BMPR2: variants seen among roughly 807,000 people sequenced by gnomAD.
The protein encoded by BMPR2 is bone morphogenetic protein receptor type 2, also known as bone morphogenetic protein receptor type-2.
In BMPR2, 29 loss-of-function variants were observed where a neutral mutation model predicts 100.8. The observed-to-expected ratio is 0.29, with a 90% CI of 0.21 to 0.39. The LOEUF is 0.39. Among genes scored for constraint, BMPR2 ranks in the 10% least tolerant of loss-of-function variants. The probability of loss-of-function intolerance (pLI) is 1.00; values close to 1 mark genes in which losing one functional copy is unlikely to be tolerated. For missense variants in BMPR2, 1,011 were observed against 1,274.5 expected, an observed-to-expected ratio of 0.79 and a Z score of 3.15; for synonymous variants, 382 against 442.3, an observed-to-expected ratio of 0.86 and a Z score of 1.71.
intron 1 of BMPR2, among the ~76,000 whole-genome samples, chr2:202,378,213 T>C (rs1415898070): frequency 6.6e-6 from 1 of 152,232 alleles, no homozygotes; most frequent in Admixed American, 6.5e-5. Context: ...CTAGGAGATT[T>C]GACTCCGAAA....
In BMPR2 at chr2:202,564,151, G is replaced by A. The variant is rs111387927; in HGVS notation, c.*4205G>A. The A allele has an allele frequency of 1.4e-4, 21 of 152,232 alleles. No individual in the cohort carries two copies. The highest frequency in any genetic ancestry group is 2.6e-4 in the Non-Finnish European group (18 of 68,010). The allele number at this position is 152,232 out of a possible 1,614,324, so 9.4% of individuals were successfully genotyped here. A position where few individuals can be genotyped will look rare whatever the true frequency, so the allele number is the denominator to read the frequency against. On this transcript the variant is annotated 3_prime_UTR_variant, in exon 13 of 13. Coordinates refer to ENST00000374580, the MANE Select transcript of BMPR2 (RefSeq NM_001204.7). ...TTTCTAGTCTTTGTAAGTGCCTCCTGAAAGTCATTTAAAATGGAAAAATAT... is the reference window on the plus strand; with the variant it reads ...TTTCTAGTCTTTGTAAGTGCCTCCTAAAAGTCATTTAAAATGGAAAAATAT...
intron 1 of BMPR2, among the ~76,000 whole-genome samples, chr2:202,461,625 T>G (rs2105957007): frequency 6.6e-6 from 1 of 152,296 alleles, no homozygotes; most frequent in South Asian, 2.1e-4. Flanking sequence ...ATATAATGCT[T>G]ATAATGACCT....
At position 202,560,248 on chromosome 2, in the gene BMPR2, GA is replaced by G. The variant is rs372583015; in HGVS notation, c.*309del. On this transcript the variant is annotated 3_prime_UTR_variant, in exon 13 of 13. Transcript: ENST00000374580. ...AAGTGGTCTCAAAATATTTTTTTAA[GA>G]AAAAAAGCAAAAACAATGTATTGCT... 5,595 of 339,300 alleles carry G rather than the reference GA, an allele frequency of 0.016. 83 individuals carry two copies. The highest frequency in any genetic ancestry group is 0.031 in the South Asian group (932 of 30,298). The allele number at this position is 339,300 out of a possible 1,614,324, so 21.0% of individuals were successfully genotyped here. A position where few individuals can be genotyped will look rare whatever the true frequency, so the allele number is the denominator to read the frequency against.
At position 202,550,976 on chromosome 2, in the gene BMPR2, A is replaced by ATTTT. The variant is rs1559072688; in HGVS notation, c.1414-1740_1414-1739insTTTT. Among the ~76,000 whole-genome samples the ATTTT allele has an allele frequency of 6.9e-4, 29 of 41,946 alleles. 1 individual carries two copies. The highest frequency in any genetic ancestry group is 2.7e-3 in the African/African-American group (27 of 9,896). 27.5% of individuals were successfully genotyped at this position (41,946 alleles called of 152,430 possible). A position where few individuals can be genotyped will look rare whatever the true frequency, so the allele number is the denominator to read the frequency against. ...TTTTTTTTTTTTTTTTTTTTTTTTG[A>ATTTT]GCCAGAGCCTTGCTCTGTCGCCCAG... On this transcript the variant is annotated intron_variant, in intron 10 of 12. Coordinates refer to ENST00000374580, the MANE Select transcript of BMPR2 (RefSeq NM_001204.7).
At chr2:202,429,364 C>T (rs1057051472) in intron 1 of BMPR2, among the ~76,000 whole-genome samples, 1 of 151,928 alleles carries the variant, frequency 6.6e-6, no homozygotes, top group African/African-American at 2.4e-5. Flanking sequence ...ACTACTCCCC[C>T]TTTCCCACTC....
rs974798687 is a variant in BMPR2 at position 202,566,022 on chromosome 2, T to G, written c.*6076T>G. ...TAAACATTGTGAACATACACATTTTTAAAACAACTTGAAACCCATTTTAAA... is the reference window on the plus strand; with the variant it reads ...TAAACATTGTGAACATACACATTTTGAAAACAACTTGAAACCCATTTTAAA... On this transcript the variant is annotated 3_prime_UTR_variant, in exon 13 of 13. Transcript: ENST00000374580. 1 of 152,194 alleles carries G rather than the reference T, an allele frequency of 6.6e-6. No individual in the cohort carries two copies. Among genetic ancestry groups the G allele is most frequent in the Non-Finnish European group, 1.5e-5 (1 of 67,992 alleles). 9.4% of individuals were successfully genotyped at this position (152,194 alleles called of 1,614,324 possible). A position where few individuals can be genotyped will look rare whatever the true frequency, so the allele number is the denominator to read the frequency against.
rs954835842 is a variant in BMPR2 at position 202,393,481 on chromosome 2, G to A, written c.76+15931G>A. ...TTAAAAATATATATATTTTTTTGTA[G>A]GGACAGGTCTCGCCATGTTGCCCAG... is the stretch of plus-strand genomic sequence containing the variant. On this transcript the variant is annotated intron_variant, in intron 1 of 12. Coordinates refer to ENST00000374580, the MANE Select transcript of BMPR2 (RefSeq NM_001204.7). Among the ~76,000 whole-genome samples, 12 of 151,922 alleles carry A rather than the reference G, an allele frequency of 7.9e-5. No individual in the cohort carries two copies. The East Asian group carries it at 2.1e-3, about 27-fold the overall frequency.
At chr2:202,529,195 G>A (rs1025273798) in intron 7 of BMPR2, among the ~76,000 whole-genome samples, 2 of 152,168 alleles carry the variant, frequency 1.3e-5, no homozygotes, top group Non-Finnish European at 1.5e-5. Context: ...GGATAGCACT[G>A]GTGATAATAT....
rs543983933 is a variant in BMPR2 at position 202,475,339 on chromosome 2, T to A, written c.418+7650T>A. ...GTGAGTCACCACGCCCGGCCACATT[T>A]TTATACTTTTTCAAAATACTAGTGT... On this transcript the variant is annotated intron_variant, in intron 3 of 12. Transcript: ENST00000374580. Among the ~76,000 whole-genome samples, 396 of 152,220 alleles carry A rather than the reference T, an allele frequency of 2.6e-3. 1 individual carries two copies. The highest frequency in any genetic ancestry group is 9.2e-3 in the African/African-American group (382 of 41,544).
chr2:202,426,126 A>T (rs1443591288), intron 1 of BMPR2, among the ~76,000 whole-genome samples: 1 of 152,230 alleles, frequency 6.6e-6, no homozygotes, highest in African/African-American at 2.4e-5. Flanking sequence ...ATGGTCTTAC[A>T]TTAGCAATTA....
At chr2:202,386,808 G>T (rs1001408437) in intron 1 of BMPR2, among the ~76,000 whole-genome samples, 4 of 151,950 alleles carry the variant, frequency 2.6e-5, no homozygotes, top group Non-Finnish European at 5.9e-5. Context: ...AGCCTCCCGA[G>T]TAGATGGGAT....
chr2:202,520,667 G>T, intron 7 of BMPR2: 1 of 203,566 alleles, frequency 4.9e-6, no homozygotes, highest in Non-Finnish European at 1.0e-5. Context: ...GCAAGGCTAG[G>T]CTGCCCTAGA....
rs374919327 is a variant in BMPR2, at chr2:202,469,848, GAA to G, written c.418+2165_418+2166del. Among the ~76,000 whole-genome samples, 896 of 152,174 alleles carry G rather than the reference GAA, an allele frequency of 5.9e-3. 11 individuals carry two copies. Among genetic ancestry groups the G allele is most frequent in the African/African-American group, 0.018 (750 of 41,524 alleles). On this transcript the variant is annotated intron_variant, in intron 3 of 12. Coordinates refer to ENST00000374580, the MANE Select transcript of BMPR2 (RefSeq NM_001204.7). ...CAAAGTTATTGAAAGATAAGGGGGGGAAAAAAAGCCCTGAAGAGAAAAAGAAC... is the reference window on the plus strand; with the variant it reads ...CAAAGTTATTGAAAGATAAGGGGGGGAAAAAGCCCTGAAGAGAAAAAGAAC...
At chr2:202,422,750 C>T (rs1424029399) in intron 1 of BMPR2, among the ~76,000 whole-genome samples, 1 of 152,160 alleles carries the variant, frequency 6.6e-6, no homozygotes, top group Non-Finnish European at 1.5e-5. Flanking sequence ...GATCTCAGCT[C>T]ACTGCAGACT....
intron 3 of BMPR2, among the ~76,000 whole-genome samples, chr2:202,485,871 C>T (rs1692768158): frequency 6.6e-6 from 1 of 151,990 alleles, no homozygotes; most frequent in African/African-American, 2.4e-5. Context: ...ATAAGGACAT[C>T]TGTCCTTGAA....
At chr2:202,441,600 C>A (rs2105939602) in intron 1 of BMPR2, among the ~76,000 whole-genome samples, 1 of 147,538 alleles carries the variant, frequency 6.8e-6, no homozygotes, top group East Asian at 2.0e-4. Flanking sequence ...TGCCTGTAGT[C>A]CCAACTACTC....
Position 202,491,285 on chromosome 2 carries a change from G to A in BMPR2, c.419-22434G>A, listed in dbSNP as rs547459150. On this transcript the variant is annotated intron_variant, in intron 3 of 12. Transcript: ENST00000374580. ...TTGTCTAGGCTGGTCTTGAACTGCT[G>A]GGCTTAAGTGATCCTCCCGCCTTGG... Among the ~76,000 whole-genome samples the A allele has an allele frequency of 2.0e-5, 3 of 152,164 alleles. No individual in the cohort carries two copies. The South Asian group carries it at 6.2e-4, about 32-fold the overall frequency.
intron 1 of BMPR2, among the ~76,000 whole-genome samples, chr2:202,457,561 T>G (rs11682425): frequency 0.13 from 12,124 of 94,526 alleles, 607 homozygotes; most frequent in East Asian, 0.18. Flanking sequence ...TATATATATA[T>G]AGAGAGAGAG....
chr2:202,446,903 A>G lies in BMPR2; in HGVS notation c.77-17906A>G, dbSNP rs1305194598. On this transcript the variant is annotated intron_variant, in intron 1 of 12. Coordinates refer to ENST00000374580, the MANE Select transcript of BMPR2 (RefSeq NM_001204.7). ...CCGACCTCAGGATCCACTCACTGCG[A>G]CCTCCCAAAGTGCTGGGATTACAGG... is the stretch of plus-strand genomic sequence containing the variant. 4.1e-5 allele frequency among the ~76,000 whole-genome samples: 6 copies of G among 147,856 alleles called. 1 individual carries two copies. Among genetic ancestry groups the G allele is most frequent in the African/African-American group, 1.6e-4 (6 of 38,388 alleles).
Sources: gnomAD v4.1 joint callset for allele counts (sites outside exome capture counted in the v4.1 genomes callset) on GRCh38, gnomAD v4.1.1 for gene constraint, MANE v1.5 for transcripts, NCBI Gene and HGNC (gene_info 2026-07-23, HGNC 2026-07-21) for gene names.